Variants in RAB27A observed in about 807,000 individuals in gnomAD.
RAB27A encodes the protein ras-related protein Rab-27A.
In RAB27A, 17 loss-of-function variants were observed where a neutral mutation model predicts 20.8. That is an observed-to-expected ratio of 0.82 (90% CI 0.56 to 1.23). The LOEUF is 1.23. Ranked by LOEUF, RAB27A falls within the 50% of genes most tolerant of loss-of-function variation. The probability of loss-of-function intolerance (pLI) is 0.00; values close to 1 mark genes in which losing one functional copy is unlikely to be tolerated. For missense variants in RAB27A, 277 were observed against 266.7 expected, an observed-to-expected ratio of 1.04 and a Z score of -0.27; for synonymous variants, 85 against 92.8, an observed-to-expected ratio of 0.92 and a Z score of 0.48.
At chr15:55,285,092 AG>A (rs1393661467) in intron 1 of RAB27A, among the ~76,000 whole-genome samples, 1 of 152,204 alleles carries the variant, frequency 6.6e-6, no homozygotes, top group Non-Finnish European at 1.5e-5. Flanking sequence ...TTTTAGTAAA[AG>A]TATGTCCCAA....
intron 1 of RAB27A, among the ~76,000 whole-genome samples, chr15:55,276,006 A>G (rs1897864466): frequency 6.6e-6 from 1 of 152,020 alleles, no homozygotes; most frequent in Non-Finnish European, 1.5e-5. Flanking sequence ...TGGGAATACA[A>G]ATTGGTACAG....
chr15:55,241,206 C>G (rs767443991), intron 2 of RAB27A, among the ~76,000 whole-genome samples: 7 of 152,038 alleles, frequency 4.6e-5, no homozygotes, highest in Non-Finnish European at 1.0e-4. Context: ...GTATTTGAAG[C>G]CAAGGTTATA....
At chr15:55,236,279 G>A (rs561340954) in intron 2 of RAB27A, among the ~76,000 whole-genome samples, 1 of 152,122 alleles carries the variant, frequency 6.6e-6, no homozygotes, top group African/African-American at 2.4e-5. Context: ...TGTTATTACG[G>A]TTCCTTCAAA....
rs778390086 is a variant in RAB27A, at chr15:55,205,577, A to T, written c.596T>A (p.Val199Glu). The change falls in exon 7 of 7, where the codon GTG becomes GAG. Residue 199 changes from valine to glutamate, a missense_variant. Transcript: ENST00000336787. ...VDKSWIPEGV[V>E]RSNGHASTDQ... The stretch of plus-strand genomic sequence containing the variant: ...CGTAGAGGCATGACCATTTGATCGC[A>T]CCACTCCTTCAGGAATCCAGGACTT... 1.3e-5 allele frequency: 21 copies of T among 1,614,112 alleles called. No homozygotes were observed. The highest frequency in any genetic ancestry group is 1.8e-5 in the Non-Finnish European group (21 of 1,179,974).
upstream of RAB27A, among the ~76,000 whole-genome samples, chr15:55,292,245 T>C (rs2054925477): frequency 6.6e-6 from 1 of 152,254 alleles, no homozygotes; most frequent in Non-Finnish European, 1.5e-5. Context: ...CATCACCTCA[T>C]ACGTGTCTTA....
At chr15:55,292,572 T>G (rs8036244), upstream of RAB27A, among the ~76,000 whole-genome samples, 72,971 of 152,044 alleles carry the variant, frequency 0.48, 20,464 homozygotes, top group African/African-American at 0.76. Flanking sequence ...AGAGAGGCAG[T>G]AGTCCATGGG....
chr15:55,287,065 A>C (rs1220637104), intron 1 of RAB27A, among the ~76,000 whole-genome samples: 1 of 151,438 alleles, frequency 6.6e-6, no homozygotes, highest in Admixed American at 6.6e-5. Context: ...GATTACAGGC[A>C]CCCACCACCA....
chr15:55,267,676 C>T (rs1034638861), intron 2 of RAB27A, among the ~76,000 whole-genome samples: 7 of 152,084 alleles, frequency 4.6e-5, no homozygotes, highest in African/African-American at 1.7e-4. Flanking sequence ...CAAACAAGTT[C>T]AAAGGGAGAA....
upstream of RAB27A, among the ~76,000 whole-genome samples, chr15:55,290,916 C>T (rs1431297971): frequency 2.6e-5 from 4 of 152,234 alleles, no homozygotes; most frequent in African/African-American, 9.6e-5. Flanking sequence ...TGTCTACCTC[C>T]ACCGCAAATT....
chr15:55,253,693 A>G (rs12439389), intron 2 of RAB27A, among the ~76,000 whole-genome samples: 3,626 of 152,270 alleles, frequency 0.024, 185 homozygotes, highest in Admixed American at 0.13. Flanking sequence ...ATAAGGGCTA[A>G]AATAAGCAGG....
At chr15:55,241,416 A>T (rs555010100) in intron 2 of RAB27A, among the ~76,000 whole-genome samples, 1 of 151,862 alleles carries the variant, frequency 6.6e-6, no homozygotes, top group Non-Finnish European at 1.5e-5. Flanking sequence ...AAAGCAAGGA[A>T]CACCCATTTC....
intron 2 of RAB27A, among the ~76,000 whole-genome samples, chr15:55,307,365 GT>G (rs2055001202): frequency 6.6e-6 from 1 of 152,046 alleles, no homozygotes; most frequent in African/African-American, 2.4e-5. Flanking sequence ...TGGATTCTTA[GT>G]AAGGCTATAG....
chr15:55,287,779 A>G (rs1181074358), intron 1 of RAB27A, among the ~76,000 whole-genome samples: 2 of 152,180 alleles, frequency 1.3e-5, no homozygotes, highest in Non-Finnish European at 2.9e-5. Context: ...TGGAAATTCA[A>G]GGGACTGGAT....
chr15:55,256,346 C>G (rs1429101567), intron 2 of RAB27A, among the ~76,000 whole-genome samples: 1 of 152,098 alleles, frequency 6.6e-6, no homozygotes, highest in Non-Finnish European at 1.5e-5. Flanking sequence ...CCCAAGAGTT[C>G]AAGGCTGCAG....
At chr15:55,297,165 T>C (rs1179548323) in intron 2 of RAB27A, among the ~76,000 whole-genome samples, 4 of 152,242 alleles carry the variant, frequency 2.6e-5, no homozygotes. Context: ...GAGTTACTAG[T>C]AGATCACTGG....
intron 2 of RAB27A, among the ~76,000 whole-genome samples, chr15:55,312,826 G>A (rs2055026969): frequency 6.6e-6 from 1 of 152,182 alleles, no homozygotes; most frequent in African/African-American, 2.4e-5. Context: ...TATGAGAAGA[G>A]TCCATGTCCC....
intron 6 of RAB27A, among the ~76,000 whole-genome samples, chr15:55,214,671 C>G (rs1027869964): frequency 3.9e-5 from 6 of 152,184 alleles, no homozygotes; most frequent in African/African-American, 1.4e-4. Context: ...TAGTTACTGT[C>G]AATCTTTTTT....
chr15:55,230,617 T>C, intron 3 of RAB27A, 131 bp from the exon 4 acceptor site: 1 of 684,668 alleles, frequency 1.5e-6, no homozygotes, highest in Non-Finnish European at 2.6e-6. Flanking sequence ...AATACAACCA[T>C]GTTTGTATTT....
intron 2 of RAB27A, among the ~76,000 whole-genome samples, chr15:55,312,282 C>T (rs551259882): frequency 4.6e-5 from 7 of 152,146 alleles, no homozygotes; most frequent in East Asian, 1.9e-4. Context: ...CAGCTGGAGC[C>T]GTAACAAATA....
Sources: gnomAD v4.1 joint callset for allele counts (sites outside exome capture counted in the v4.1 genomes callset) on GRCh38, gnomAD v4.1.1 for gene constraint, MANE v1.5 for transcripts, NCBI Gene and HGNC (gene_info 2026-07-23, HGNC 2026-07-21) for gene names.